SMIM7: variants seen among roughly 807,000 people sequenced by gnomAD.
SMIM7 encodes the protein UPF0608 protein C19orf42.
A neutral mutation model predicts 13.3 loss-of-function variants in SMIM7; 12 were observed. The ratio of observed to expected loss-of-function variants is 0.90; its 90% CI spans 0.58 to 1.46. The LOEUF (loss-of-function observed/expected upper bound fraction) is 1.46, where lower values mean the gene tolerates loss of function less well. Among genes scored for constraint, SMIM7 ranks in the 40% most tolerant of loss-of-function variants. SMIM7 has a pLI of 0.00. For missense variants in SMIM7, 114 were observed against 94.8 expected (o/e 1.20, Z -0.84); for synonymous variants, 36 against 35.8 (o/e 1.01, Z -0.02).
chr19:16,659,533 C>G, intron 2 of SMIM7, 86 bp from the exon 3 acceptor site: 1 of 1,395,604 alleles, frequency 7.2e-7, no homozygotes, highest in Non-Finnish European at 9.9e-7. Context: ...GCCACAAACA[C>G]TAAGTTTCAG....
chr19:16,659,731 C>T, intron 2 of SMIM7: 3 of 669,490 alleles, frequency 4.5e-6, no homozygotes, highest in Admixed American at 5.4e-5. Flanking sequence ...TTAAGCTCTC[C>T]AGGAAGGTGA....
At chr19:16,655,428 C>G in intron 3 of SMIM7, 1 of 455,144 alleles carries the variant, frequency 2.2e-6, no homozygotes, top group South Asian at 1.6e-5. Flanking sequence ...CACTTGTAAT[C>G]CCAGCACTTC....
At chr19:16,647,617 G>C (rs2086467306) in intron 4 of SMIM7, among the ~76,000 whole-genome samples, 1 of 151,086 alleles carries the variant, frequency 6.6e-6, no homozygotes, top group Non-Finnish European at 1.5e-5. Flanking sequence ...CACCAAGCCA[G>C]ATTAATTTTT....
chr19:16,652,575 C>G (rs1232850593), intron 4 of SMIM7: 3 of 1,163,046 alleles, frequency 2.6e-6, no homozygotes, highest in South Asian at 4.7e-5. Flanking sequence ...CTCATACATG[C>G]TCTCAGATCC....
At chr19:16,654,186 A>C in intron 3 of SMIM7, 61 bp from the exon 4 acceptor site, 3 of 1,433,654 alleles carry the variant, frequency 2.1e-6, no homozygotes, top group South Asian at 1.2e-5. Flanking sequence ...CTGCCACCTC[A>C]GCAGTGGATT....
At chr19:16,659,283 A>AC (rs1491158232) in intron 3 of SMIM7, 112 bp downstream of exon 3, 2 of 97,362 alleles carry the variant, frequency 2.1e-5, no homozygotes, top group East Asian at 4.7e-4. Flanking sequence ...ACCTTGTGTC[A>AC]AAAAAAAAAA....
At chr19:16,656,336 T>C (rs375136715) in intron 3 of SMIM7, among the ~76,000 whole-genome samples, 2 of 151,978 alleles carry the variant, frequency 1.3e-5, no homozygotes, top group African/African-American at 4.8e-5. Context: ...TGCAGTGAGC[T>C]GAGATCACGC....
At chr19:16,639,035 T>C (rs1031794703) in intron 4 of SMIM7, 7 of 152,200 alleles carry the variant, frequency 4.6e-5, no homozygotes, top group Non-Finnish European at 8.8e-5. Flanking sequence ...CCACACTCTT[T>C]TGCCTAGGTT....
In SMIM7 at chr19:16,647,244, A is replaced by T; in HGVS notation, c.*2T>A. ...GTGAGTTCCTGGTTTCATCGCTGGG[A>T]TTCAAGAGCCGAACAGCCTGGAGAA... On this transcript the variant is annotated 3_prime_UTR_variant, in exon 5 of 5. Coordinates refer to ENST00000487416, the MANE Select transcript of SMIM7 (RefSeq NM_024104.4). 2 of 1,614,038 alleles carry T rather than the reference A, an allele frequency of 1.2e-6. No homozygotes were observed. Among genetic ancestry groups the T allele is most frequent in the Non-Finnish European group, 1.7e-6 (2 of 1,180,028 alleles).
chr19:16,658,432 G>A (rs778682591), intron 3 of SMIM7, among the ~76,000 whole-genome samples: 1 of 152,152 alleles, frequency 6.6e-6, no homozygotes, highest in Admixed American at 6.6e-5. Context: ...AATTCAGCAG[G>A]AAGTGTAAAT....
chr19:16,631,228 A>G (rs549198658), exon 5 of SMIM7: 2 of 152,172 alleles, frequency 1.3e-5, no homozygotes, highest in African/African-American at 4.8e-5. Context: ...TCTACTAAGA[A>G]TACAAAAATT....
chr19:16,652,948 T>G, intron 4 of SMIM7: 1 of 1,550,560 alleles, frequency 6.4e-7, no homozygotes, highest in African/African-American at 1.4e-5. Flanking sequence ...GCAATCTGCT[T>G]GAGTTTTCTC....
intron 4 of SMIM7, chr19:16,653,038 A>G: frequency 1.3e-6 from 2 of 1,496,398 alleles, no homozygotes; most frequent in East Asian, 2.5e-5. Flanking sequence ...GCCCAGGTGG[A>G]GCAGGATCTG....
Position 16,647,190 on chromosome 19 carries a change from G to C in SMIM7, c.*56C>G, listed in dbSNP as rs1599366320. ...AACATTCTTGAAGTCATCAGGAATG[G>C]AGGAATGGAGACTCGGCATCCCGGG... On this transcript the variant is annotated 3_prime_UTR_variant, in exon 5 of 5. Transcript: ENST00000487416. 1 of 1,610,490 alleles carries C rather than the reference G, an allele frequency of 6.2e-7. No homozygotes were observed. Among genetic ancestry groups the C allele is most frequent in the East Asian group, 2.2e-5 (1 of 44,868 alleles).
At chr19:16,653,497 C>T (rs893849100) in intron 4 of SMIM7, among the ~76,000 whole-genome samples, 1 of 151,856 alleles carries the variant, frequency 6.6e-6, no homozygotes, top group East Asian at 1.9e-4. Context: ...GCAGGAGAAT[C>T]GCTTGAAGCA....
Position 16,654,123 on chromosome 19 carries a change from C to T in SMIM7, c.124G>A (p.Asp42Asn). 6.2e-7 allele frequency: 1 copy of T among 1,613,580 alleles called. No homozygotes were observed. The highest frequency in any genetic ancestry group is 8.5e-7 in the Non-Finnish European group (1 of 1,179,594). ...CTCAGCAAGAATTCCCGGATGTTGTCACCTGGAAGAATCAGAAAGCACTTT... is the reference window on the plus strand; with the variant it reads ...CTCAGCAAGAATTCCCGGATGTTGTTACCTGGAAGAATCAGAAAGCACTTT... ...GEESREPSTG[D>N]NIREFLLSLR... Residue 42 changes from aspartate (D) to asparagine (N), a missense_variant and splice_region_variant, in exon 4 of 5, where the codon GAC becomes AAC. Asp to Asn is a conservative substitution (Grantham distance 23). Coordinates refer to ENST00000487416, the MANE Select transcript of SMIM7 (RefSeq NM_024104.4).
intron 4 of SMIM7, among the ~76,000 whole-genome samples, chr19:16,647,697 C>T (rs1336616486): frequency 1.3e-5 from 2 of 152,042 alleles, no homozygotes; most frequent in Non-Finnish European, 2.9e-5. Flanking sequence ...CTCAAGTGAT[C>T]CACCCGCCTC....
chr19:16,639,426 G>A (rs368376615), intron 4 of SMIM7, among the ~76,000 whole-genome samples: 1 of 152,074 alleles, frequency 6.6e-6, no homozygotes, highest in Admixed American at 6.6e-5. Context: ...CCGGTCATAA[G>A]ATGTCATTTT....
At chr19:16,639,557 C>T (rs1302792670) in intron 4 of SMIM7, among the ~76,000 whole-genome samples, 1 of 152,146 alleles carries the variant, frequency 6.6e-6, no homozygotes, top group Non-Finnish European at 1.5e-5. Flanking sequence ...CCTTATAGTG[C>T]TAAAGGAGCC....
Sources: gnomAD v4.1 joint callset for allele counts (sites outside exome capture counted in the v4.1 genomes callset) on GRCh38, gnomAD v4.1.1 for gene constraint, MANE v1.5 for transcripts, NCBI Gene and HGNC (gene_info 2026-07-23, HGNC 2026-07-21) for gene names.